The following PHC3 variants were observed in gnomAD, a reference collection of about 807,000 sequenced individuals.
The protein encoded by PHC3 is polyhomeotic homolog 3.
PHC3 carries 13 observed loss-of-function variants against 107.4 expected under a neutral mutation model. The ratio of observed to expected loss-of-function variants is 0.12; its 90% CI spans 0.08 to 0.19. The LOEUF is 0.19. PHC3 is among the 10% of genes least tolerant of loss of function. The pLI is 1.00. For synonymous variants in PHC3, 456 were observed against 427.4 expected, an observed-to-expected ratio of 1.07 and a Z score of -0.83; for missense variants, 992 against 1,210.9, an observed-to-expected ratio of 0.82 and a Z score of 2.68.
intron 4 of PHC3, among the ~76,000 whole-genome samples, chr3:170,168,679 G>A (rs1049378874): frequency 9.9e-5 from 15 of 151,530 alleles, no homozygotes; most frequent in Non-Finnish European, 1.8e-4. Context: ...GCGTGAACTC[G>A]GGAGGCGGAG....
At chr3:170,131,030 A>G (rs1006447534) in intron 7 of PHC3, among the ~76,000 whole-genome samples, 2 of 152,124 alleles carry the variant, frequency 1.3e-5, no homozygotes, top group African/African-American at 4.8e-5. Context: ...TTTTTAAAAA[A>G]AATTTTCACA....
chr3:170,117,856 A>C (rs1719358596), intron 9 of PHC3, among the ~76,000 whole-genome samples: 1 of 151,978 alleles, frequency 6.6e-6, no homozygotes, highest in Non-Finnish European at 1.5e-5. Context: ...AAAAAAAAAA[A>C]AACAAAATTA....
At chr3:170,109,500 G>A (rs1717216317) in intron 11 of PHC3, among the ~76,000 whole-genome samples, 1 of 152,138 alleles carries the variant, frequency 6.6e-6, no homozygotes, top group Non-Finnish European at 1.5e-5. Flanking sequence ...TGATCTTTGG[G>A]TTATGTCAGA....
intron 11 of PHC3, among the ~76,000 whole-genome samples, chr3:170,108,013 C>T (rs1402814746): frequency 1.3e-5 from 2 of 152,108 alleles, no homozygotes; most frequent in African/African-American, 4.8e-5. Context: ...GTTCCATTTC[C>T]TATTTTCCAC....
In PHC3 at chr3:170,088,861, T is replaced by A. The variant is rs140844267; in HGVS notation, c.*8369A>T. 1.3e-5 allele frequency: 2 copies of A among 152,346 alleles called. No individual in the cohort carries two copies. The highest frequency in any genetic ancestry group is 2.4e-5 in the African/African-American group (1 of 41,458). 9.4% of individuals were successfully genotyped at this position (152,346 alleles called of 1,614,324 possible). A position where few individuals can be genotyped will look rare whatever the true frequency, so the allele number is the denominator to read the frequency against. On this transcript the variant is annotated 3_prime_UTR_variant, in exon 15 of 15. Coordinates refer to ENST00000495893, the MANE Select transcript of PHC3 (RefSeq NM_024947.4). ...AACCCAACAGTTTATATGGATATTT[T>A]CCTGCTTTAAAAAGCTGCAACAGGC...
intron 7 of PHC3, 38 bp downstream of exon 7, chr3:170,136,381 G>C (rs1327931098): frequency 1.4e-5 from 23 of 1,610,678 alleles, no homozygotes; most frequent in Non-Finnish European, 1.9e-5. Context: ...CTAAGAAAAT[G>C]AATAATACAA....
chr3:170,145,414 CA>C lies in PHC3; in HGVS notation c.672+8del. On this transcript the variant is annotated splice_region_variant and intron_variant, in intron 6 of 14. Coordinates refer to ENST00000495893, the MANE Select transcript of PHC3 (RefSeq NM_024947.4). Reference sequence around the variant, plus strand: ...TCAAGTAACACATTATGAAGCTAGACAAGCTCACCTGAGTAGCTGCAGACTG... The same window carrying C: ...TCAAGTAACACATTATGAAGCTAGACAGCTCACCTGAGTAGCTGCAGACTG... 1 of 1,607,542 alleles carries C rather than the reference CA, an allele frequency of 6.2e-7. No individual in the cohort carries two copies. Among genetic ancestry groups the C allele is most frequent in the Non-Finnish European group, 8.5e-7 (1 of 1,175,526 alleles).
At chr3:170,157,200 T>C (rs1560109030) in intron 4 of PHC3, among the ~76,000 whole-genome samples, 1 of 152,076 alleles carries the variant, frequency 6.6e-6, no homozygotes, top group Non-Finnish European at 1.5e-5. Flanking sequence ...TCTGCAAACA[T>C]AAAAAGATCT....
chr3:170,181,605 G>A, intron 1 of PHC3, 97 bp downstream of exon 1: 1 of 1,566,964 alleles, frequency 6.4e-7, no homozygotes. Context: ...TCCCCACACT[G>A]CCCGCAAAAG....
chr3:170,179,566 AAC>A (rs1731058895), intron 1 of PHC3, among the ~76,000 whole-genome samples: 1 of 152,234 alleles, frequency 6.6e-6, no homozygotes, highest in African/African-American at 2.4e-5. Context: ...TTGCTGTGAG[AAC>A]ACAGAGAAGC....
intron 5 of PHC3, chr3:170,148,567 T>C (rs1560096400): frequency 6.6e-6 from 1 of 152,316 alleles, no homozygotes; most frequent in Non-Finnish European, 1.5e-5. Flanking sequence ...GAATTTGAGA[T>C]GGGAAAAACC....
At chr3:170,137,812 T>A (rs1723353635) in intron 6 of PHC3, among the ~76,000 whole-genome samples, 1 of 151,468 alleles carries the variant, frequency 6.6e-6, no homozygotes, top group African/African-American at 2.4e-5. Flanking sequence ...GGCAGGAGAA[T>A]CACTTGAACC....
rs148039100 is a variant in PHC3 at position 170,115,877 on chromosome 3, T to TCACACACACACACA, written c.2193+1335_2193+1348dup. Among the ~76,000 whole-genome samples the TCACACACACACACA allele has an allele frequency of 3.3e-3, 490 of 148,568 alleles. 5 individuals are homozygous for TCACACACACACACA. The highest frequency in any genetic ancestry group is 8.8e-3 in the African/African-American group (354 of 40,382). On this transcript the variant is annotated intron_variant, in intron 10 of 14. Coordinates refer to ENST00000495893, the MANE Select transcript of PHC3 (RefSeq NM_024947.4). The stretch of plus-strand genomic sequence containing the variant: ...AATTGTTATAGGAAATCCAAGTTTC[T>TCACACACACACACA]CACACACACACACACACACACACAC...
chr3:170,089,929 G>GAAAAAAAAAAAAAAAAAAAAAAAAAAA lies in PHC3; in HGVS notation c.*7300_*7301insTTTTTTTTTTTTTTTTTTTTTTTTTTT, dbSNP rs1203894075. 9.9e-6 allele frequency: 1 copy of GAAAAAAAAAAAAAAAAAAAAAAAAAAA among 100,704 alleles called. No homozygotes were observed. The highest frequency in any genetic ancestry group is 2.1e-5 in the Non-Finnish European group (1 of 47,938). 6.2% of individuals were successfully genotyped at this position (100,704 alleles called of 1,614,324 possible). ...GAACCCATCTCAAAAAAAAAAAAAA[G>GAAAAAAAAAAAAAAAAAAAAAAAAAAA]AAAAAAAAAAAAAAAGAAAGAAAGT... On this transcript the variant is annotated 3_prime_UTR_variant, in exon 15 of 15. Coordinates refer to ENST00000495893, the MANE Select transcript of PHC3 (RefSeq NM_024947.4).
intron 4 of PHC3, among the ~76,000 whole-genome samples, chr3:170,165,334 A>G (rs1728545989): frequency 1.3e-5 from 2 of 152,218 alleles, no homozygotes; most frequent in African/African-American, 4.8e-5. Context: ...GTCACACAAC[A>G]TAATACTAAA....
At chr3:170,165,480 C>G (rs1728570791) in intron 4 of PHC3, among the ~76,000 whole-genome samples, 1 of 152,076 alleles carries the variant, frequency 6.6e-6, no homozygotes. Context: ...AGGCTGGGCA[C>G]AGTGGCTCAT....
chr3:170,156,883 C>T (rs573189000), intron 4 of PHC3, among the ~76,000 whole-genome samples: 1 of 152,284 alleles, frequency 6.6e-6, no homozygotes, highest in African/African-American at 2.4e-5. Context: ...GTGTGAGCCA[C>T]CGTACCCTGC....
At chr3:170,145,075 T>G (rs959049266) in intron 6 of PHC3, among the ~76,000 whole-genome samples, 5 of 152,182 alleles carry the variant, frequency 3.3e-5, no homozygotes, top group African/African-American at 1.2e-4. Flanking sequence ...TTGACTTAGT[T>G]ATTACATAAG....
chr3:170,123,703 A>T (rs1294698830), intron 8 of PHC3, among the ~76,000 whole-genome samples: 1 of 151,680 alleles, frequency 6.6e-6, no homozygotes, highest in Non-Finnish European at 1.5e-5. Context: ...TGAATCAAGA[A>T]CATCACTTGA....
Sources: gnomAD v4.1 joint callset for allele counts (sites outside exome capture counted in the v4.1 genomes callset) on GRCh38, gnomAD v4.1.1 for gene constraint, MANE v1.5 for transcripts, NCBI Gene and HGNC (gene_info 2026-07-23, HGNC 2026-07-21) for gene names.